CD63: variants seen among roughly 807,000 people sequenced by gnomAD.
The protein encoded by CD63 is CD63 molecule.
Under a neutral mutation model 29.2 loss-of-function variants are expected in CD63, and 16 were observed. The observed-to-expected ratio is 0.55, with a 90% CI of 0.37 to 0.83. The LOEUF is 0.83. Ranked by LOEUF, CD63 falls within the 40% of genes least tolerant of loss-of-function variation. The probability of loss-of-function intolerance (pLI) is 0.00; values close to 1 mark genes in which losing one functional copy is unlikely to be tolerated. For synonymous variants in CD63, 118 were observed against 111.7 expected (o/e 1.06, Z -0.36); for missense variants, 251 against 297.3 (o/e 0.84, Z 1.15).
Position 55,728,302 on chromosome 12 carries a change from G to C in CD63, c.40C>G (p.Leu14Val). 1 of 1,611,528 alleles carries C rather than the reference G, an allele frequency of 6.2e-7. No homozygotes were observed. ...EGGMKCVKFL[L>V]YVLLLAFCAC... The stretch of plus-strand genomic sequence containing the variant: ...CAAAAGGCCAGCAGGAGGACGTAGA[G>C]CAAGAACTTCACACATTTCATTCCT... Residue 14 changes from leucine to valine, a missense_variant, in exon 2 of 8, where the codon CTC becomes GTC. By Grantham distance (32) the Leu-to-Val change is conservative. Coordinates refer to ENST00000257857, the MANE Select transcript of CD63 (RefSeq NM_001780.6). This position sits in a 1 kb window ranked among gnomAD's most constrained non-coding sequence, Gnocchi z 4.8.
chr12:55,728,423 G>A lies in CD63; in HGVS notation c.-11-71C>T. ...GACCTCGGTTTCCGGGCTCCCGGCC[G>A]GCCCTCGAGGGCTTCCCTTCACGGC... is the stretch of plus-strand genomic sequence containing the variant. On this transcript the variant is annotated intron_variant, in intron 1 of 7. Coordinates refer to ENST00000257857, the MANE Select transcript of CD63 (RefSeq NM_001780.6). The surrounding 1 kb of genome is among the most constrained non-coding windows in gnomAD (Gnocchi z 4.8). 25 of 1,543,842 alleles carry A rather than the reference G, an allele frequency of 1.6e-5. No homozygotes were observed. Among genetic ancestry groups the A allele is most frequent in the Non-Finnish European group, 2.2e-5 (25 of 1,144,612 alleles).
chr12:55,728,876 G>T lies in CD63; in HGVS notation c.-12+77C>A, dbSNP rs1040247340. The T allele has an allele frequency of 3.0e-6, 3 of 989,348 alleles. No homozygotes were observed. Among genetic ancestry groups the T allele is most frequent in the African/African-American group, 1.7e-5 (1 of 57,222 alleles). The allele number at this position is 989,348 out of a possible 1,614,324, so 61.3% of individuals were successfully genotyped here. A position where few individuals can be genotyped will look rare whatever the true frequency, so the allele number is the denominator to read the frequency against. On this transcript the variant is annotated intron_variant, in intron 1 of 7. Transcript: ENST00000257857. This position sits in a 1 kb window ranked among gnomAD's most constrained non-coding sequence, Gnocchi z 4.8. ...GCCGGACGAGTCTCCGCGGGCCTGG[G>T]GCGAGCCCTGGAGGAAGGGACTGCG... is the stretch of plus-strand genomic sequence containing the variant.
At position 55,728,413 on chromosome 12, in the gene CD63, G is replaced by A. The variant is rs1592534062; in HGVS notation, c.-11-61C>T. 4.5e-6 allele frequency: 7 copies of A among 1,554,622 alleles called. No homozygotes were observed. In the African/African-American group the frequency reaches 8.1e-5, roughly 18 times the overall value. ...GCCGAAGGGGGACCTCGGTTTCCGG[G>A]CTCCCGGCCGGCCCTCGAGGGCTTC... On this transcript the variant is annotated intron_variant, in intron 1 of 7. Coordinates refer to ENST00000257857, the MANE Select transcript of CD63 (RefSeq NM_001780.6). The surrounding 1 kb of genome is among the most constrained non-coding windows in gnomAD (Gnocchi z 4.8).
chr12:55,725,131 G>A (rs1877161652), downstream of CD63, among the ~76,000 whole-genome samples: 2 of 152,174 alleles, frequency 1.3e-5, no homozygotes, highest in South Asian at 4.1e-4. Context: ...GCCCTTAGCG[G>A]TGCACAGAAG....
chr12:55,728,755 CA>C lies in CD63; in HGVS notation c.-12+197del, dbSNP rs1465057543. On this transcript the variant is annotated intron_variant, in intron 1 of 7. Coordinates refer to ENST00000257857, the MANE Select transcript of CD63 (RefSeq NM_001780.6). This position sits in a 1 kb window ranked among gnomAD's most constrained non-coding sequence, Gnocchi z 4.8. ...TCCCCTGGGCTCTGACCTCCCCGCC[CA>C]CCAAAAAAAAAAAAAGTGCAGCCAG... 2.0e-6 allele frequency: 2 copies of C among 988,740 alleles called. No homozygotes were observed. The highest frequency in any genetic ancestry group is 6.1e-5 in the Admixed American group (1 of 16,522). 61.2% of individuals were successfully genotyped at this position (988,740 alleles called of 1,614,324 possible).
chr12:55,728,418 CGGCCGGCCCTCGAG>C lies in CD63; in HGVS notation c.-11-80_-11-67del. On this transcript the variant is annotated intron_variant, in intron 1 of 7. Transcript: ENST00000257857. This position sits in a 1 kb window ranked among gnomAD's most constrained non-coding sequence, Gnocchi z 4.8. Reference sequence around the variant, plus strand: ...AGGGGGACCTCGGTTTCCGGGCTCCCGGCCGGCCCTCGAGGGCTTCCCTTCACGGCCCCGATTCC... The same window carrying C: ...AGGGGGACCTCGGTTTCCGGGCTCCCGGCTTCCCTTCACGGCCCCGATTCC... 2 of 1,551,994 alleles carry C rather than the reference CGGCCGGCCCTCGAG, an allele frequency of 1.3e-6. No individual in the cohort carries two copies. The highest frequency in any genetic ancestry group is 1.7e-6 in the Non-Finnish European group (2 of 1,148,732).
In CD63 at chr12:55,728,673, A is replaced by C; in HGVS notation, c.-12+280T>G. ...GCGTCAAACACCCTTTCCCCACCCA[A>C]CACCCAGCCTGGAGAAACGGTCTTC... is the stretch of plus-strand genomic sequence containing the variant. On this transcript the variant is annotated intron_variant, in intron 1 of 7. Coordinates refer to ENST00000257857, the MANE Select transcript of CD63 (RefSeq NM_001780.6). This position sits in a 1 kb window ranked among gnomAD's most constrained non-coding sequence, Gnocchi z 4.8. 3 of 1,168,708 alleles carry C rather than the reference A, an allele frequency of 2.6e-6. No individual in the cohort carries two copies. Among genetic ancestry groups the C allele is most frequent in the East Asian group, 1.1e-4 (2 of 18,252 alleles). The allele number at this position is 1,168,708 out of a possible 1,614,324, so 72.4% of individuals were successfully genotyped here.
chr12:55,728,188 T>C lies in CD63; in HGVS notation c.66+88A>G. Reference sequence around the variant, plus strand: ...TTCCACATCTGGTCTCCAGCTGCCTTAATTCTCATTCCCTCAGCCCTCACC... The same window carrying C: ...TTCCACATCTGGTCTCCAGCTGCCTCAATTCTCATTCCCTCAGCCCTCACC... On this transcript the variant is annotated intron_variant, in intron 2 of 7. Transcript: ENST00000257857. This position sits in a 1 kb window ranked among gnomAD's most constrained non-coding sequence, Gnocchi z 4.8. The C allele has an allele frequency of 8.2e-7, 1 of 1,215,456 alleles. No homozygotes were observed. Among genetic ancestry groups the C allele is most frequent in the South Asian group, 1.3e-5 (1 of 77,770 alleles). The allele number at this position is 1,215,456 out of a possible 1,614,324, so 75.3% of individuals were successfully genotyped here. A position where few individuals can be genotyped will look rare whatever the true frequency, so the allele number is the denominator to read the frequency against.
At chr12:55,729,745 C>A (rs1388579546), upstream of CD63, 1 of 152,254 alleles carries the variant, frequency 6.6e-6, no homozygotes, top group African/African-American at 2.4e-5. Context: ...CGTCGGGTCC[C>A]GCCCTCTGGG....
At chr12:55,729,050 C>T, upstream of CD63, 1 of 985,468 alleles carries the variant, frequency 1.0e-6, no homozygotes, top group Non-Finnish European at 1.2e-6. Flanking sequence ...CCGCGCGGCC[C>T]CGCCCCGGGC....
At chr12:55,723,835 C>G (rs542661978), downstream of CD63, 2 of 1,604,270 alleles carry the variant, frequency 1.2e-6, no homozygotes, top group Admixed American at 1.7e-5. Flanking sequence ...CCCTCAAAGT[C>G]CCCTCCCTAT....
chr12:55,726,747 G>T lies in CD63; in HGVS notation c.379C>A (p.Pro127Thr), dbSNP rs1592530393. 6.2e-7 allele frequency: 1 copy of T among 1,613,990 alleles called. No individual in the cohort carries two copies. The highest frequency in any genetic ancestry group is 8.5e-7 in the Non-Finnish European group (1 of 1,179,992). The change falls in exon 5 of 8, where the codon CCG (proline) becomes ACG (threonine). Residue 127 changes from proline to threonine, a missense_variant. Physicochemically the swap from Pro to Thr is conservative, Grantham distance 38. Coordinates refer to ENST00000257857, the MANE Select transcript of CD63 (RefSeq NM_001780.6). ...NNFRQQMENY[P>T]KNNHTASILD... ...ATCGAAGCAGTGTGGTTGTTTTTCG[G>T]GTAATTCTCCATCTGCTGCCGGAAG... is the stretch of plus-strand genomic sequence containing the variant.
Position 55,728,912 on chromosome 12 carries a change from C to T in CD63, c.-12+41G>A. ...GAGGAAGGGACTGCGGGTGGTCTCT[C>T]CCAGCCCGCGCCGAAGTCCGCCGGG... On this transcript the variant is annotated intron_variant, in intron 1 of 7. Transcript: ENST00000257857. The surrounding 1 kb of genome is among the most constrained non-coding windows in gnomAD (Gnocchi z 4.8). The T allele has an allele frequency of 2.0e-6, 2 of 985,810 alleles. No individual in the cohort carries two copies. The highest frequency in any genetic ancestry group is 2.4e-6 in the Non-Finnish European group (2 of 830,114). The allele number at this position is 985,810 out of a possible 1,614,324, so 61.1% of individuals were successfully genotyped here. A position where few individuals can be genotyped will look rare whatever the true frequency, so the allele number is the denominator to read the frequency against.
Position 55,728,231 on chromosome 12 carries a change from CCCCGCA to C in CD63, c.66+39_66+44del. 1 of 1,537,878 alleles carries C rather than the reference CCCCGCA, an allele frequency of 6.5e-7. No individual in the cohort carries two copies. Among genetic ancestry groups the C allele is most frequent in the Non-Finnish European group, 8.9e-7 (1 of 1,121,890 alleles). ...CCCTCACCACTGTGGAGCCAGGTCT[CCCCGCA>C]CCCTGCCGGCGCGCCCCCCAGGACC... On this transcript the variant is annotated intron_variant, in intron 2 of 7. Transcript: ENST00000257857. The surrounding 1 kb of genome is among the most constrained non-coding windows in gnomAD (Gnocchi z 4.8).
chr12:55,723,838 C>G (rs759958593), downstream of CD63: 4 of 1,606,676 alleles, frequency 2.5e-6, no homozygotes, highest in East Asian at 2.2e-5. Context: ...TCAAAGTCCC[C>G]TCCCTATAGG....
Position 55,727,146 on chromosome 12 carries a change from C to A in CD63, c.255+5G>T. 1 of 1,611,740 alleles carries A rather than the reference C, an allele frequency of 6.2e-7. No homozygotes were observed. The highest frequency in any genetic ancestry group is 8.5e-7 in the Non-Finnish European group (1 of 1,178,550). Reference sequence around the variant, plus strand: ...CCGCCCATGTTGGTCCCGCCCCCAACTCACCGTGATCATAAGACAATAGTT... The same window carrying A: ...CCGCCCATGTTGGTCCCGCCCCCAAATCACCGTGATCATAAGACAATAGTT... On this transcript the variant is annotated splice_donor_5th_base_variant and intron_variant, in intron 3 of 7. Transcript: ENST00000257857.
At chr12:55,726,605 A>G (rs1362030244) in intron 5 of CD63, 95 bp downstream of exon 5, 4 of 1,021,028 alleles carry the variant, frequency 3.9e-6, no homozygotes, top group East Asian at 2.4e-5. Flanking sequence ...TCGGCCTTCA[A>G]AAGTGCTGAG....
chr12:55,724,648 A>T (rs183719917), downstream of CD63: 1 of 1,044,644 alleles, frequency 9.6e-7, no homozygotes, highest in African/African-American at 1.6e-5. Context: ...ATAAGCACTA[A>T]CAAAAGTGTA....
In CD63 at chr12:55,726,700, A is replaced by G. The variant is rs1475910638; in HGVS notation, c.426T>C (p.Asp142=). 1 of 1,612,480 alleles carries G rather than the reference A, an allele frequency of 6.2e-7. No individual in the cohort carries two copies. Among genetic ancestry groups the G allele is most frequent in the South Asian group, 1.1e-5 (1 of 91,036 alleles). ...TASILDRMQA[D]FKCCGAANYT... ...CCCTGCTCCCAGCAACCCCACTCACATCTGCCTGCATCCTGTCCAGGATCG... is the reference window on the plus strand; with the variant it reads ...CCCTGCTCCCAGCAACCCCACTCACGTCTGCCTGCATCCTGTCCAGGATCG... The change falls in exon 5 of 8, where the codon GAT becomes GAC. Residue 142 remains aspartate (D), a splice_region_variant and synonymous_variant. Coordinates refer to ENST00000257857, the MANE Select transcript of CD63 (RefSeq NM_001780.6).
Sources: gnomAD v4.1 joint callset for allele counts (sites outside exome capture counted in the v4.1 genomes callset) on GRCh38, gnomAD v4.1.1 for gene constraint, Gnocchi (gnomAD v3.1) non-coding constraint, MANE v1.5 for transcripts, NCBI Gene and HGNC (gene_info 2026-07-23, HGNC 2026-07-21) for gene names.